RAB15: variants seen among roughly 807,000 people sequenced by gnomAD.
RAB15 encodes the protein RAB15, member RAS oncogene family.
A neutral mutation model predicts 31.8 loss-of-function variants in RAB15; 13 were observed. That is an observed-to-expected ratio of 0.41 (90% confidence interval 0.27 to 0.65). The LOEUF (loss-of-function observed/expected upper bound fraction) is 0.65, where lower values mean the gene tolerates loss of function less well. Ranked by LOEUF, RAB15 falls within the 30% of genes least tolerant of loss-of-function variation. The pLI is 0.32. For synonymous variants in RAB15, 100 were observed against 105.6 expected (o/e 0.95, Z 0.33); for missense variants, 220 against 277.3 (o/e 0.79, Z 1.47).
At position 64,970,615 on chromosome 14, in the gene RAB15, G is replaced by A. The variant is rs77983303; in HGVS notation, c.124+1338C>T. Among the ~76,000 whole-genome samples, 40 of 152,272 alleles carry A rather than the reference G, an allele frequency of 2.6e-4. 2 individuals carry two copies. The East Asian group carries it at 7.1e-3, about 27-fold the overall frequency. Reference sequence around the variant, plus strand: ...GCAGTAAGAACAATCAGCATTTATCGAGCTTCACCATGTGTCTGGCTGTGC... The same window carrying A: ...GCAGTAAGAACAATCAGCATTTATCAAGCTTCACCATGTGTCTGGCTGTGC... On this transcript the variant is annotated intron_variant, in intron 1 of 6. Transcript: ENST00000533601. This position sits in a 1 kb window ranked among gnomAD's most constrained non-coding sequence, Gnocchi z 4.1.
rs1261556963 is a variant in RAB15, at chr14:64,952,026, C to T, written c.186-363G>A. Among the ~76,000 whole-genome samples, 1 of 152,186 alleles carries T rather than the reference C, an allele frequency of 6.6e-6. No individual in the cohort carries two copies. The highest frequency in any genetic ancestry group is 6.5e-5 in the Admixed American group (1 of 15,288). ...CTATGGGACCTCTGAAGGCAGTGCCCATACTGCTGTGGAATTGAGAGGGAG... is the reference window on the plus strand; with the variant it reads ...CTATGGGACCTCTGAAGGCAGTGCCTATACTGCTGTGGAATTGAGAGGGAG... On this transcript the variant is annotated intron_variant, in intron 2 of 6. Transcript: ENST00000533601. The surrounding 1 kb of genome is among the most constrained non-coding windows in gnomAD (Gnocchi z 4.2).
rs148846809 is a variant in RAB15 at position 64,951,342 on chromosome 14, G to T, written c.247-191C>A. Among the ~76,000 whole-genome samples the T allele has an allele frequency of 6.6e-6, 1 of 152,298 alleles. No individual in the cohort carries two copies. Among genetic ancestry groups the T allele is most frequent in the Non-Finnish European group, 1.5e-5 (1 of 68,022 alleles). ...CCCATCACAGAACTCTCTACAGCAG[G>T]AAGACACCACATGCTTTGACCTGGA... On this transcript the variant is annotated intron_variant, in intron 3 of 6. Transcript: ENST00000533601. This position sits in a 1 kb window ranked among gnomAD's most constrained non-coding sequence, Gnocchi z 7.2.
Position 64,955,796 on chromosome 14 carries a change from G to T in RAB15, c.125-3225C>A, listed in dbSNP as rs1448529345. Among the ~76,000 whole-genome samples, 2 of 152,252 alleles carry T rather than the reference G, an allele frequency of 1.3e-5. No homozygotes were observed. The highest frequency in any genetic ancestry group is 2.9e-5 in the Non-Finnish European group (2 of 68,054). On this transcript the variant is annotated intron_variant, in intron 1 of 6. Coordinates refer to ENST00000533601, the MANE Select transcript of RAB15 (RefSeq NM_001308154.2). This position sits in a 1 kb window ranked among gnomAD's most constrained non-coding sequence, Gnocchi z 4.4. Reference sequence around the variant, plus strand: ...AGCCCCACCTGGGTGCACACCCAGAGAGTCAGCCCTTTTTGTTGCATCTTT... The same window carrying T: ...AGCCCCACCTGGGTGCACACCCAGATAGTCAGCCCTTTTTGTTGCATCTTT...
Position 64,952,644 on chromosome 14 carries a change from C to A in RAB15, c.125-73G>T. On this transcript the variant is annotated intron_variant, in intron 1 of 6. Coordinates refer to ENST00000533601, the MANE Select transcript of RAB15 (RefSeq NM_001308154.2). The surrounding 1 kb of genome is among the most constrained non-coding windows in gnomAD (Gnocchi z 4.2). ...AATGAACAGGAAAGGGCCAGGCAAT[C>A]ACACTTGAAAGGTTTCCTTTCAGTT... 1 of 1,112,750 alleles carries A rather than the reference C, an allele frequency of 9.0e-7. No homozygotes were observed. The highest frequency in any genetic ancestry group is 1.3e-6 in the Non-Finnish European group (1 of 743,776). 68.9% of individuals were successfully genotyped at this position (1,112,750 alleles called of 1,614,324 possible).
intron 1 of RAB15, among the ~76,000 whole-genome samples, chr14:64,961,101 T>C (rs955560842): frequency 1.3e-5 from 2 of 152,144 alleles, no homozygotes; most frequent in African/African-American, 4.8e-5. Context: ...AACTTTTCAT[T>C]AGTAATGAGA....
chr14:64,950,254 C>T lies in RAB15; in HGVS notation c.414+71G>A, dbSNP rs1160429506. On this transcript the variant is annotated intron_variant, in intron 5 of 6. Coordinates refer to ENST00000533601, the MANE Select transcript of RAB15 (RefSeq NM_001308154.2). The surrounding 1 kb of genome is among the most constrained non-coding windows in gnomAD (Gnocchi z 5.6). The stretch of plus-strand genomic sequence containing the variant: ...CCACTGGGGAACACACCCCTAGGTC[C>T]CCACGCTCAGGACTGGCCCTGGAGG... 3 of 1,283,740 alleles carry T rather than the reference C, an allele frequency of 2.3e-6. No homozygotes were observed. The highest frequency in any genetic ancestry group is 2.4e-5 in the South Asian group (2 of 84,504). 79.5% of individuals were successfully genotyped at this position (1,283,740 alleles called of 1,614,324 possible).
At position 64,952,181 on chromosome 14, in the gene RAB15, G is replaced by A. The variant is rs975447575; in HGVS notation, c.185+330C>T. Among the ~76,000 whole-genome samples the A allele has an allele frequency of 6.6e-6, 1 of 152,170 alleles. No individual in the cohort carries two copies. Among genetic ancestry groups the A allele is most frequent in the African/African-American group, 2.4e-5 (1 of 41,426 alleles). Reference sequence around the variant, plus strand: ...CTCAGGGTCTCGCCCTAAATGATGGGGGGTGTAGCCTCCTTCCTTCCAATC... The same window carrying A: ...CTCAGGGTCTCGCCCTAAATGATGGAGGGTGTAGCCTCCTTCCTTCCAATC... On this transcript the variant is annotated intron_variant, in intron 2 of 6. Coordinates refer to ENST00000533601, the MANE Select transcript of RAB15 (RefSeq NM_001308154.2). This position sits in a 1 kb window ranked among gnomAD's most constrained non-coding sequence, Gnocchi z 4.2.
rs1049037636 is a variant in RAB15 at position 64,954,324 on chromosome 14, A to G, written c.125-1753T>C. Reference sequence around the variant, plus strand: ...CTTATTTCTGCCTGGATCAACGGTTATCAGGCACCTGTTTCTCCCCAGTAC... The same window carrying G: ...CTTATTTCTGCCTGGATCAACGGTTGTCAGGCACCTGTTTCTCCCCAGTAC... On this transcript the variant is annotated intron_variant, in intron 1 of 6. Transcript: ENST00000533601. The surrounding 1 kb of genome is among the most constrained non-coding windows in gnomAD (Gnocchi z 4.3). The G allele has an allele frequency of 2.0e-6, 2 of 985,422 alleles. No individual in the cohort carries two copies. The highest frequency in any genetic ancestry group is 3.5e-5 in the African/African-American group (2 of 57,374). 61.0% of individuals were successfully genotyped at this position (985,422 alleles called of 1,614,324 possible). A position where few individuals can be genotyped will look rare whatever the true frequency, so the allele number is the denominator to read the frequency against.
At position 64,971,493 on chromosome 14, in the gene RAB15, C is replaced by G. The variant is rs368992373; in HGVS notation, c.124+460G>C. Among the ~76,000 whole-genome samples the G allele has an allele frequency of 6.6e-6, 1 of 152,116 alleles. No homozygotes were observed. The highest frequency in any genetic ancestry group is 2.4e-5 in the African/African-American group (1 of 41,424). On this transcript the variant is annotated intron_variant, in intron 1 of 6. Coordinates refer to ENST00000533601, the MANE Select transcript of RAB15 (RefSeq NM_001308154.2). The surrounding 1 kb of genome is among the most constrained non-coding windows in gnomAD (Gnocchi z 4.1). ...CCCCTCCGTACGTCCTCTCTTCCCC[C>G]CCTCGCCCCCCGCCGGCTCCACCTT...
rs377366756 is a variant in RAB15, at chr14:64,950,197, C to G, written c.414+128G>C. On this transcript the variant is annotated intron_variant, in intron 5 of 6. Coordinates refer to ENST00000533601, the MANE Select transcript of RAB15 (RefSeq NM_001308154.2). The surrounding 1 kb of genome is among the most constrained non-coding windows in gnomAD (Gnocchi z 5.6). ...CCGAGGATGGCCACTCCCCCAGGGCCTTGGGGTGCTGGGGACGTGTGGGAG... is the reference window on the plus strand; with the variant it reads ...CCGAGGATGGCCACTCCCCCAGGGCGTTGGGGTGCTGGGGACGTGTGGGAG... The G allele has an allele frequency of 1.6e-3, 1,304 of 792,904 alleles. 20 individuals are homozygous for G. The highest frequency in any genetic ancestry group is 0.016 in the South Asian group (1,104 of 68,886). 49.1% of individuals were successfully genotyped at this position (792,904 alleles called of 1,614,324 possible). A position where few individuals can be genotyped will look rare whatever the true frequency, so the allele number is the denominator to read the frequency against.
chr14:64,945,859 T>C lies in RAB15; in HGVS notation c.*2495A>G, dbSNP rs1445810222. 2 of 152,622 alleles carry C rather than the reference T, an allele frequency of 1.3e-5. No homozygotes were observed. Among genetic ancestry groups the C allele is most frequent in the African/African-American group, 2.4e-5 (1 of 41,426 alleles). The allele number at this position is 152,622 out of a possible 1,614,324, so 9.5% of individuals were successfully genotyped here. A position where few individuals can be genotyped will look rare whatever the true frequency, so the allele number is the denominator to read the frequency against. On this transcript the variant is annotated 3_prime_UTR_variant, in exon 7 of 7. Transcript: ENST00000533601. ...ATTTTGTAAACATCTGTGTTTAAAATAGATGAACCCTGCTCACAATTCATA... is the reference window on the plus strand; with the variant it reads ...ATTTTGTAAACATCTGTGTTTAAAACAGATGAACCCTGCTCACAATTCATA...
intron 1 of RAB15, among the ~76,000 whole-genome samples, chr14:64,957,509 C>A (rs1886640319): frequency 6.6e-6 from 1 of 152,180 alleles, no homozygotes; most frequent in African/African-American, 2.4e-5. Context: ...AATGCACATT[C>A]TCAGGACTCG....
chr14:64,965,751 G>A (rs1183554879), intron 1 of RAB15, among the ~76,000 whole-genome samples: 5 of 152,232 alleles, frequency 3.3e-5, no homozygotes, highest in Non-Finnish European at 5.9e-5. Context: ...CCTGTCTGGG[G>A]AGCGGGGAGA....
chr14:64,964,926 C>T (rs1449380277), intron 1 of RAB15, among the ~76,000 whole-genome samples: 2 of 151,332 alleles, frequency 1.3e-5, no homozygotes, highest in Non-Finnish European at 2.9e-5. Flanking sequence ...TTCATGGTGC[C>T]ATGGTCACAG....
At position 64,950,499 on chromosome 14, in the gene RAB15, C is replaced by T; in HGVS notation, c.325-85G>A. On this transcript the variant is annotated intron_variant, in intron 4 of 6. Coordinates refer to ENST00000533601, the MANE Select transcript of RAB15 (RefSeq NM_001308154.2). This position sits in a 1 kb window ranked among gnomAD's most constrained non-coding sequence, Gnocchi z 5.6. ...TACAGAGTCTGCACTGCCTCCAGCC[C>T]ACCACCAATTCCAGAGCCCTAGGGA... The T allele has an allele frequency of 2.7e-6, 3 of 1,123,024 alleles. No individual in the cohort carries two copies. Among genetic ancestry groups the T allele is most frequent in the Non-Finnish European group, 4.1e-6 (3 of 739,928 alleles). 69.6% of individuals were successfully genotyped at this position (1,123,024 alleles called of 1,614,324 possible).
At position 64,951,542 on chromosome 14, in the gene RAB15, C is replaced by A; in HGVS notation, c.246+61G>T. ...ATCCGTGGCACAGACATCTCAAATA[C>A]CCAGAGCTGGGAGTGTGGGTGGCAG... On this transcript the variant is annotated intron_variant, in intron 3 of 6. Transcript: ENST00000533601. The surrounding 1 kb of genome is among the most constrained non-coding windows in gnomAD (Gnocchi z 7.2). 1.4e-6 allele frequency: 2 copies of A among 1,467,768 alleles called. No individual in the cohort carries two copies. The highest frequency in any genetic ancestry group is 1.9e-6 in the Non-Finnish European group (2 of 1,046,322). 90.9% of individuals were successfully genotyped at this position (1,467,768 alleles called of 1,614,324 possible). A position where few individuals can be genotyped will look rare whatever the true frequency, so the allele number is the denominator to read the frequency against.
rs1191697184 is a variant in RAB15, at chr14:64,947,994, A to C, written c.*360T>G. On this transcript the variant is annotated 3_prime_UTR_variant, in exon 7 of 7. Coordinates refer to ENST00000533601, the MANE Select transcript of RAB15 (RefSeq NM_001308154.2). The surrounding 1 kb of genome is among the most constrained non-coding windows in gnomAD (Gnocchi z 5.6). ...TGGGGGAAGAGAGAAAAAGCAGAGA[A>C]GAGACACGATGCACGGAGAAAGGAG... The C allele has an allele frequency of 8.8e-6, 2 of 226,746 alleles. No homozygotes were observed. Among genetic ancestry groups the C allele is most frequent in the East Asian group, 8.9e-5 (1 of 11,258 alleles). The allele number at this position is 226,746 out of a possible 1,614,324, so 14.0% of individuals were successfully genotyped here. A position where few individuals can be genotyped will look rare whatever the true frequency, so the allele number is the denominator to read the frequency against.
intron 1 of RAB15, among the ~76,000 whole-genome samples, chr14:64,967,550 C>T (rs1887200389): frequency 6.6e-6 from 1 of 151,134 alleles, no homozygotes; most frequent in South Asian, 2.1e-4. Flanking sequence ...GCCACCACCA[C>T]ACTCCAGACT....
chr14:64,952,601 GAA>G lies in RAB15; in HGVS notation c.125-32_125-31del. ...AGAAAGGAAGAAAGAAAGAAAGTTA[GAA>G]AGCGTACCCACGAGAAATGAACAGG... On this transcript the variant is annotated intron_variant, in intron 1 of 6. Transcript: ENST00000533601. This position sits in a 1 kb window ranked among gnomAD's most constrained non-coding sequence, Gnocchi z 4.2. 1 of 1,531,218 alleles carries G rather than the reference GAA, an allele frequency of 6.5e-7. No homozygotes were observed. Among genetic ancestry groups the G allele is most frequent in the Non-Finnish European group, 9.0e-7 (1 of 1,107,956 alleles). 94.9% of individuals were successfully genotyped at this position (1,531,218 alleles called of 1,614,324 possible). A position where few individuals can be genotyped will look rare whatever the true frequency, so the allele number is the denominator to read the frequency against.
Sources: gnomAD v4.1 joint callset for allele counts (sites outside exome capture counted in the v4.1 genomes callset) on GRCh38, gnomAD v4.1.1 for gene constraint, Gnocchi (gnomAD v3.1) non-coding constraint, MANE v1.5 for transcripts, NCBI Gene and HGNC (gene_info 2026-07-23, HGNC 2026-07-21) for gene names.